Variants in CCDC88C observed in about 807,000 individuals in gnomAD.
CCDC88C encodes the protein protein Daple.
A neutral mutation model predicts 198.8 loss-of-function variants in CCDC88C; 131 were observed. That is an observed-to-expected ratio of 0.66 (90% CI 0.57 to 0.76). CCDC88C has a LOEUF of 0.76. Ranked by LOEUF, CCDC88C falls within the 30% of genes least tolerant of loss-of-function variation. The pLI, the probability that CCDC88C is intolerant of heterozygous loss-of-function variation, is 0.00. For missense variants in CCDC88C, 2,553 were observed against 2,631.6 expected, an observed-to-expected ratio of 0.97 and a Z score of 0.65; for synonymous variants, 1,166 against 1,114.7, an observed-to-expected ratio of 1.05 and a Z score of -0.92.
chr14:91,274,246 C>A (rs563170663), intron 29 of CCDC88C, among the ~76,000 whole-genome samples: 1 of 151,886 alleles, frequency 6.6e-6, no homozygotes, highest in Non-Finnish European at 1.5e-5. Context: ...ATGGGGTCCG[C>A]GAGGGTCCAG....
At chr14:91,401,302 A>AT (rs1886182339) in intron 3 of CCDC88C, among the ~76,000 whole-genome samples, 1 of 138,154 alleles carries the variant, frequency 7.2e-6, no homozygotes, top group Admixed American at 8.2e-5. Flanking sequence ...TATATATTAT[A>AT]ATGTATATAT....
At chr14:91,348,161 A>G (rs1223885269) in intron 4 of CCDC88C, among the ~76,000 whole-genome samples, 4 of 151,950 alleles carry the variant, frequency 2.6e-5, no homozygotes, top group Non-Finnish European at 5.9e-5. Flanking sequence ...GCACACCACC[A>G]TGCCCAGCCA....
At chr14:91,310,133 G>T in intron 15 of CCDC88C, 147 bp from the exon 16 acceptor site, 1 of 777,366 alleles carries the variant, frequency 1.3e-6, no homozygotes, top group Non-Finnish European at 1.9e-6. Context: ...CCCCAGGGAT[G>T]CTCTTCCCGA....
chr14:91,273,596 G>T lies in CCDC88C; in HGVS notation c.5116C>A (p.Pro1706Thr). The T allele has an allele frequency of 6.7e-7, 1 of 1,495,218 alleles. No individual in the cohort carries two copies. Among genetic ancestry groups the T allele is most frequent in the Non-Finnish European group, 8.9e-7 (1 of 1,121,440 alleles). The allele number at this position is 1,495,218 out of a possible 1,614,324, so 92.6% of individuals were successfully genotyped here. Residue 1706 changes from proline (P) to threonine (T), a missense_variant, in exon 30 of 30, where the codon CCC (proline) becomes ACC (threonine). Transcript: ENST00000389857. This position sits in a 1 kb window ranked among gnomAD's most constrained non-coding sequence, Gnocchi z 5.6. ...CCTGGTTGGCCTCCGATGGCTGGGGGATCGCTGGCCTTTCGGAAGTAGTCA... is the reference window on the plus strand; with the variant it reads ...CCTGGTTGGCCTCCGATGGCTGGGGTATCGCTGGCCTTTCGGAAGTAGTCA... ...LSDYFRKASD[P>T]PAIGGQPGPP...
In CCDC88C at chr14:91,308,530, CT is replaced by C. The variant is rs1380728612; in HGVS notation, c.2865-39del. 5 of 1,604,190 alleles carry C rather than the reference CT, an allele frequency of 3.1e-6. No individual in the cohort carries two copies. In the African/African-American group the frequency reaches 5.4e-5, roughly 17 times the overall value. ...AAGATACAATAGTATCACTTATCTACTTCCTCTCCGCAAGTTCCCAGTGTCC... is the reference window on the plus strand; with the variant it reads ...AAGATACAATAGTATCACTTATCTACTCCTCTCCGCAAGTTCCCAGTGTCC... On this transcript the variant is annotated intron_variant, in intron 16 of 29. Coordinates refer to ENST00000389857, the MANE Select transcript of CCDC88C (RefSeq NM_001080414.4).
intron 2 of CCDC88C, among the ~76,000 whole-genome samples, chr14:91,411,246 T>C (rs1378045201): frequency 6.6e-6 from 1 of 152,146 alleles, no homozygotes; most frequent in Admixed American, 6.5e-5. Flanking sequence ...CACCTTTCCA[T>C]GCTGTACAAA....
At chr14:91,282,269 G>A (rs1305742902) in intron 26 of CCDC88C, among the ~76,000 whole-genome samples, 3 of 152,154 alleles carry the variant, frequency 2.0e-5, no homozygotes, top group African/African-American at 7.2e-5. Context: ...ACATGCCCAT[G>A]GCTTCAAGAG....
At chr14:91,290,331 A>C (rs1487166987) in intron 24 of CCDC88C, among the ~76,000 whole-genome samples, 8 of 152,240 alleles carry the variant, frequency 5.3e-5, no homozygotes, top group Admixed American at 4.6e-4. Context: ...AAACAGACTG[A>C]GGTTCGGAAA....
intron 10 of CCDC88C, among the ~76,000 whole-genome samples, chr14:91,326,645 G>C (rs1389614118): frequency 6.6e-6 from 1 of 152,182 alleles, no homozygotes; most frequent in African/African-American, 2.4e-5. Context: ...ACGGACAAGG[G>C]GACCCTGAGC....
chr14:91,371,782 G>A lies in CCDC88C; in HGVS notation c.271-12071C>T, dbSNP rs1446226767. Among the ~76,000 whole-genome samples the A allele has an allele frequency of 6.6e-6, 1 of 152,196 alleles. No homozygotes were observed. Among genetic ancestry groups the A allele is most frequent in the Non-Finnish European group, 1.5e-5 (1 of 68,028 alleles). ...CCCACCCAGGCCCACAGGCACCTATGCCAGGGCAGGGCTGGGGCCACGCCA... is the reference window on the plus strand; with the variant it reads ...CCCACCCAGGCCCACAGGCACCTATACCAGGGCAGGGCTGGGGCCACGCCA... On this transcript the variant is annotated intron_variant, in intron 3 of 29. Transcript: ENST00000389857. The surrounding 1 kb of genome is among the most constrained non-coding windows in gnomAD (Gnocchi z 4.2).
chr14:91,320,357 CAA>C (rs1194220988), intron 13 of CCDC88C, among the ~76,000 whole-genome samples: 1 of 152,184 alleles, frequency 6.6e-6, no homozygotes, highest in Non-Finnish European at 1.5e-5. Context: ...AGGACTTGGT[CAA>C]AAAGTGTCCA....
At chr14:91,323,178 A>G (rs1227951584) in intron 12 of CCDC88C, among the ~76,000 whole-genome samples, 1 of 152,130 alleles carries the variant, frequency 6.6e-6, no homozygotes, top group Non-Finnish European at 1.5e-5. Context: ...AGTGCTGGGA[A>G]TACAGGCATG....
At chr14:91,285,266 A>G in intron 25 of CCDC88C, 1 of 256,842 alleles carries the variant, frequency 3.9e-6, no homozygotes, top group East Asian at 1.0e-4. Flanking sequence ...CTTAAAAAAA[A>G]CCCTCACTTG....
chr14:91,286,019 A>G (rs1401881713), intron 25 of CCDC88C, among the ~76,000 whole-genome samples: 1 of 152,198 alleles, frequency 6.6e-6, no homozygotes, highest in Non-Finnish European at 1.5e-5. Flanking sequence ...AGGGCTCAGT[A>G]ATCATCTGTG....
At chr14:91,341,269 G>A (rs944822354) in intron 6 of CCDC88C, among the ~76,000 whole-genome samples, 4 of 152,168 alleles carry the variant, frequency 2.6e-5, no homozygotes, top group Admixed American at 6.5e-5. Context: ...TGGACATCTC[G>A]GGGCCTCTGT....
intron 3 of CCDC88C, among the ~76,000 whole-genome samples, chr14:91,365,719 A>C (rs1894503515): frequency 6.6e-6 from 1 of 152,142 alleles, no homozygotes; most frequent in Admixed American, 6.5e-5. Flanking sequence ...TCAACCATCT[A>C]CTATGCAATC....
intron 2 of CCDC88C, among the ~76,000 whole-genome samples, chr14:91,414,664 CT>C (rs1408627945): frequency 2.0e-5 from 3 of 152,222 alleles, no homozygotes; most frequent in Non-Finnish European, 2.9e-5. Flanking sequence ...CCCGCTCTCT[CT>C]TCTCTTTCCT....
chr14:91,300,522 G>A (rs1228131426), intron 20 of CCDC88C, among the ~76,000 whole-genome samples: 1 of 152,114 alleles, frequency 6.6e-6, no homozygotes, highest in Non-Finnish European at 1.5e-5. Flanking sequence ...CCCTCCAAGG[G>A]CTGGAGAAGC....
Position 91,307,127 on chromosome 14 carries a change from G to A in CCDC88C, c.3106C>T (p.Gln1036Ter). ...HPAGKTAASHQGKEAWGPGHK... is the reference protein window; with the variant it reads ...HPAGKTAASH Reference sequence around the variant, plus strand: ...CCGGGCCCCCAGGCCTCCTTCCCCTGGTGACTGGCGGCTGTCTTCCCCGCA... The same window carrying A: ...CCGGGCCCCCAGGCCTCCTTCCCCTAGTGACTGGCGGCTGTCTTCCCCGCA... Residue 1036 changes from glutamine (Q) to a stop codon, truncating the protein, a stop_gained, in exon 18 of 30, where the codon CAG becomes TAG. Coordinates refer to ENST00000389857, the MANE Select transcript of CCDC88C (RefSeq NM_001080414.4). LOFTEE classifies it high-confidence loss of function. The A allele has an allele frequency of 6.2e-7, 1 of 1,613,950 alleles. No individual in the cohort carries two copies. Among genetic ancestry groups the A allele is most frequent in the Non-Finnish European group, 8.5e-7 (1 of 1,179,890 alleles).
Sources: gnomAD v4.1 joint callset for allele counts (sites outside exome capture counted in the v4.1 genomes callset) on GRCh38, gnomAD v4.1.1 for gene constraint, Gnocchi (gnomAD v3.1) non-coding constraint, MANE v1.5 for transcripts, NCBI Gene and HGNC (gene_info 2026-07-23, HGNC 2026-07-21) for gene names.